The following SERGEF variants were observed in gnomAD, a reference collection of about 807,000 sequenced individuals.
SERGEF encodes secretion regulating guanine nucleotide exchange factor, also known as secretion-regulating guanine nucleotide exchange factor.
A neutral mutation model predicts 50.0 loss-of-function variants in SERGEF; 51 were observed. The ratio of observed to expected loss-of-function variants is 1.02; its 90% confidence interval spans 0.81 to 1.29. SERGEF has a LOEUF of 1.29. Ranked by LOEUF, SERGEF falls within the 50% of genes most tolerant of loss-of-function variation. SERGEF has a pLI of 0.00. For synonymous variants in SERGEF, 205 were observed against 212.4 expected, an observed-to-expected ratio of 0.97 and a Z score of 0.30; for missense variants, 521 against 557.0, an observed-to-expected ratio of 0.94 and a Z score of 0.65.
chr11:17,988,619 C>T lies in SERGEF; in HGVS notation c.822G>A (p.Trp274Ter), dbSNP rs781446452. Residue 274 changes from tryptophan (W) to a stop codon, truncating the protein, a stop_gained, in exon 8 of 11, where the codon TGG (tryptophan) becomes TGA (stop). Coordinates refer to ENST00000265965, the MANE Select transcript of SERGEF (RefSeq NM_012139.4). LOFTEE classifies it high-confidence loss of function. ...NEKVTAIWSG[W>*]THLVAQTETG... is the part of the protein sequence containing the mutation. ...CACCTGTCTGAGCAACCAGGTGTGT[C>T]CATCCACTCCAGATGGCAGTGACCT... 6.2e-7 allele frequency: 1 copy of T among 1,614,084 alleles called. No individual in the cohort carries two copies. The highest frequency in any genetic ancestry group is 8.5e-7 in the Non-Finnish European group (1 of 1,180,030).
chr11:18,012,759 G>C, intron 1 of SERGEF, 192 bp downstream of exon 1: 9 of 1,421,950 alleles, frequency 6.3e-6, no homozygotes, highest in South Asian at 1.3e-5. Context: ...TAAGTCGACC[G>C]CGAAGACCCT....
chr11:17,910,193 ACTCT>A (rs1219567785), intron 9 of SERGEF, among the ~76,000 whole-genome samples: 5 of 145,744 alleles, frequency 3.4e-5, no homozygotes, highest in Admixed American at 6.8e-5. Flanking sequence ...ACACACACAC[ACTCT>A]CTCTCTCTCT....
At chr11:17,933,127 G>A (rs1366815445) in intron 9 of SERGEF, among the ~76,000 whole-genome samples, 1 of 152,112 alleles carries the variant, frequency 6.6e-6, no homozygotes, top group Non-Finnish European at 1.5e-5. Context: ...ATAATGAAAA[G>A]TCAGCTGTAC....
intron 9 of SERGEF, among the ~76,000 whole-genome samples, chr11:17,954,483 C>T (rs1465160201): frequency 6.6e-6 from 1 of 152,068 alleles, no homozygotes; most frequent in African/African-American, 2.4e-5. Context: ...TCAGCTAACA[C>T]AGCTGAGTGA....
intron 9 of SERGEF, among the ~76,000 whole-genome samples, chr11:17,907,629 G>A (rs1194563038): frequency 6.6e-6 from 1 of 152,152 alleles, no homozygotes; most frequent in Non-Finnish European, 1.5e-5. Context: ...TCTTGGAGGA[G>A]GATAGAACTA....
At chr11:17,946,851 ACT>A (rs1324412475) in intron 9 of SERGEF, among the ~76,000 whole-genome samples, 8 of 152,008 alleles carry the variant, frequency 5.3e-5, no homozygotes, top group Non-Finnish European at 1.0e-4. Context: ...ATACATTATA[ACT>A]CTGTTAGCAA....
At chr11:17,856,678 G>C (rs933839553) in intron 10 of SERGEF, 1 of 152,130 alleles carries the variant, frequency 6.6e-6, no homozygotes, top group African/African-American at 2.4e-5. Flanking sequence ...TATAATAATA[G>C]TACCTACCTT....
chr11:17,894,532 G>A (rs1311433714), intron 9 of SERGEF, among the ~76,000 whole-genome samples: 2 of 152,144 alleles, frequency 1.3e-5, no homozygotes, highest in Non-Finnish European at 2.9e-5. Flanking sequence ...TTTCAAATCT[G>A]TCTCTTCCCA....
At chr11:17,928,666 C>T (rs777293756) in intron 9 of SERGEF, among the ~76,000 whole-genome samples, 2 of 152,046 alleles carry the variant, frequency 1.3e-5, no homozygotes, top group Non-Finnish European at 1.5e-5. Flanking sequence ...AAAGATCATT[C>T]GCTTGGTTTC....
At chr11:17,898,598 A>C (rs1455005120) in intron 9 of SERGEF, among the ~76,000 whole-genome samples, 1 of 152,160 alleles carries the variant, frequency 6.6e-6, no homozygotes, top group African/African-American at 2.4e-5. Flanking sequence ...AGAGAAACAA[A>C]AGGGGAAGTG....
chr11:17,988,620 C>T lies in SERGEF; in HGVS notation c.821G>A (p.Trp274Ter). The change falls in exon 8 of 11, where the codon TGG becomes TAG. Residue 274 changes from tryptophan to a stop codon, truncating the protein, a stop_gained. Transcript: ENST00000265965. LOFTEE classifies it high-confidence loss of function. The stretch of plus-strand genomic sequence containing the variant: ...ACCTGTCTGAGCAACCAGGTGTGTC[C>T]ATCCACTCCAGATGGCAGTGACCTT... ...NEKVTAIWSG[W>*]THLVAQTETG... 6.2e-7 allele frequency: 1 copy of T among 1,614,064 alleles called. No homozygotes were observed. The highest frequency in any genetic ancestry group is 8.5e-7 in the Non-Finnish European group (1 of 1,180,012).
At chr11:17,946,820 G>T (rs1852671741) in intron 9 of SERGEF, among the ~76,000 whole-genome samples, 1 of 152,132 alleles carries the variant, frequency 6.6e-6, no homozygotes, top group African/African-American at 2.4e-5. Context: ...TTCTGTTTTT[G>T]TTTCTCTCCC....
At chr11:17,869,260 C>T (rs1851091072) in intron 10 of SERGEF, among the ~76,000 whole-genome samples, 1 of 152,038 alleles carries the variant, frequency 6.6e-6, no homozygotes, top group South Asian at 2.1e-4. Context: ...CAAAATATTA[C>T]AGACAAAATA....
chr11:17,833,785 T>C (rs949004253), intron 10 of SERGEF, among the ~76,000 whole-genome samples: 4 of 152,222 alleles, frequency 2.6e-5, no homozygotes, highest in African/African-American at 9.6e-5. Flanking sequence ...TGGACTTGCA[T>C]GGGGCCTGTA....
intron 6 of SERGEF, among the ~76,000 whole-genome samples, chr11:17,993,244 A>C (rs779088233): frequency 1.3e-4 from 20 of 152,240 alleles, no homozygotes; most frequent in Non-Finnish European, 2.9e-5. Flanking sequence ...AGGGGAGGAA[A>C]GGTATAGATA....
At chr11:17,820,882 G>C (rs929781015) in intron 10 of SERGEF, among the ~76,000 whole-genome samples, 6 of 152,182 alleles carry the variant, frequency 3.9e-5, no homozygotes, top group African/African-American at 1.4e-4. Context: ...CTGGAGTGAT[G>C]TGGCCACAAG....
intron 7 of SERGEF, among the ~76,000 whole-genome samples, chr11:17,990,142 T>C (rs16934854): frequency 0.041 from 6,200 of 152,256 alleles, 399 homozygotes; most frequent in African/African-American, 0.14. Flanking sequence ...GGCAGTCTAG[T>C]ATATTCCAAA....
intron 6 of SERGEF, among the ~76,000 whole-genome samples, chr11:17,995,457 T>C (rs142984313): frequency 6.6e-6 from 1 of 152,302 alleles, no homozygotes; most frequent in East Asian, 1.9e-4. Context: ...AAATTCAATC[T>C]GAGTTTCAGA....
intron 10 of SERGEF, among the ~76,000 whole-genome samples, chr11:17,831,226 C>T (rs953064930): frequency 3.2e-4 from 49 of 152,232 alleles, no homozygotes; most frequent in African/African-American, 1.1e-3. Context: ...CAGAAACCCA[C>T]ATTTTAATAT....
Sources: gnomAD v4.1 joint callset for allele counts (sites outside exome capture counted in the v4.1 genomes callset) on GRCh38, gnomAD v4.1.1 for gene constraint, MANE v1.5 for transcripts, NCBI Gene and HGNC (gene_info 2026-07-23, HGNC 2026-07-21) for gene names.